Variants in FAM186B observed in about 807,000 individuals in gnomAD.
The protein encoded by FAM186B is family with sequence similarity 186 member B, also known as protein FAM186B.
Under a neutral mutation model 83.4 loss-of-function variants are expected in FAM186B, and 68 were observed. The observed-to-expected ratio is 0.81, with a 90% CI of 0.67 to 1.00. FAM186B has a LOEUF of 1.00. Ranked by LOEUF, FAM186B falls within the 50% of genes least tolerant of loss-of-function variation. FAM186B has a pLI of 0.00. For synonymous variants in FAM186B, 389 were observed against 422.0 expected, an observed-to-expected ratio of 0.92 and a Z score of 0.96; for missense variants, 983 against 1,099.2, an observed-to-expected ratio of 0.89 and a Z score of 1.49.
At chr12:49,608,595 A>G (rs1474740223), upstream of FAM186B, among the ~76,000 whole-genome samples, 6 of 151,876 alleles carry the variant, frequency 4.0e-5, no homozygotes, top group East Asian at 1.2e-3. Context: ...GTGCATAAAG[A>G]TCAACTCTGT....
chr12:49,605,162 C>A, intron 1 of FAM186B: 1 of 1,374,904 alleles, frequency 7.3e-7, no homozygotes, highest in Non-Finnish European at 9.4e-7. Flanking sequence ...CCTTCCCGGG[C>A]CCCAGCCCTG....
upstream of FAM186B, among the ~76,000 whole-genome samples, chr12:49,606,476 T>G (rs567857234): frequency 7.0e-6 from 1 of 143,576 alleles, no homozygotes; most frequent in Admixed American, 7.0e-5. Context: ...GCCTAGGTGA[T>G]AGATACCCTG....
At chr12:49,606,130 A>T (rs534507497), upstream of FAM186B, among the ~76,000 whole-genome samples, 25 of 152,316 alleles carry the variant, frequency 1.6e-4, no homozygotes, top group African/African-American at 5.5e-4. Flanking sequence ...TACAAATAAG[A>T]AAAAGCAATT....
At chr12:49,615,434 A>T in the FAM186B span, among the ~76,000 whole-genome samples, 1 of 152,246 alleles carries the variant, frequency 6.6e-6, no homozygotes, top group African/African-American at 2.4e-5. Flanking sequence ...ATAGATAAAG[A>T]GCTACTACAA....
downstream of FAM186B, among the ~76,000 whole-genome samples, chr12:49,585,866 G>A (rs371388211): frequency 6.8e-4 from 103 of 152,344 alleles, 1 homozygote; most frequent in African/African-American, 2.4e-3. Flanking sequence ...AGGAGGGCAC[G>A]CCCAAAGGAG....
At chr12:49,611,642 C>CCT in the FAM186B span, among the ~76,000 whole-genome samples, 1 of 130,490 alleles carries the variant, frequency 7.7e-6, no homozygotes. Flanking sequence ...GGGTGGATCA[C>CCT]GAGGTCAGGG....
chr12:49,607,239 C>T (rs1940041571), upstream of FAM186B, among the ~76,000 whole-genome samples: 1 of 151,928 alleles, frequency 6.6e-6, no homozygotes, highest in Admixed American at 6.6e-5. Context: ...AGAAGAAAAT[C>T]AATGCAACTA....
intron 5 of FAM186B, among the ~76,000 whole-genome samples, chr12:49,592,105 T>C (rs1427354973): frequency 6.6e-6 from 1 of 152,020 alleles, no homozygotes; most frequent in Non-Finnish European, 1.5e-5. Context: ...AGGGAAGAAA[T>C]AGATGTATAC....
chr12:49,613,388 G>T, the FAM186B span, among the ~76,000 whole-genome samples: 1 of 151,646 alleles, frequency 6.6e-6, no homozygotes, highest in Non-Finnish European at 1.5e-5. Flanking sequence ...TTAGCCGGGT[G>T]TGGTGGTGGG....
rs746000838 is a variant in FAM186B at position 49,599,529 on chromosome 12, G to A, written c.2111C>T (p.Ala704Val). The A allele has an allele frequency of 2.4e-5, 39 of 1,599,858 alleles. No homozygotes were observed. Among genetic ancestry groups the A allele is most frequent in the East Asian group, 1.3e-4 (6 of 44,812 alleles). Residue 704 changes from alanine to valine, a missense_variant, in exon 4 of 7, where the codon GCG becomes GTG. By Grantham distance (64) the Ala-to-Val change is moderately conservative (BLOSUM62 0). Transcript: ENST00000257894. ...ATGGCACAGGTACTGCAGCCTGAGC[G>A]CGCCCAGCTCCATGGTGGTGGTGGT... ...ELTTTTMELG[A>V]LRLQYLCHKY...
At chr12:49,613,935 G>C in the FAM186B span, among the ~76,000 whole-genome samples, 1 of 151,676 alleles carries the variant, frequency 6.6e-6, no homozygotes, top group Non-Finnish European at 1.5e-5. Flanking sequence ...GATCACCTGA[G>C]GTCAGGAGTT....
intron 5 of FAM186B, among the ~76,000 whole-genome samples, chr12:49,596,016 C>T (rs1460284547): frequency 1.3e-5 from 2 of 152,104 alleles, no homozygotes; most frequent in African/African-American, 4.8e-5. Flanking sequence ...AAGACTAGAG[C>T]AGCGAAATGT....
chr12:49,613,886 C>T, the FAM186B span, among the ~76,000 whole-genome samples: 9 of 151,856 alleles, frequency 5.9e-5, no homozygotes, highest in African/African-American at 2.2e-4. Flanking sequence ...CGGTGGCTCA[C>T]ACCCGTAACC....
chr12:49,616,133 G>A, the FAM186B span, among the ~76,000 whole-genome samples: 20 of 151,936 alleles, frequency 1.3e-4, no homozygotes, highest in South Asian at 1.2e-3. Context: ...GGGTTCAAGC[G>A]ATTCTCCTGC....
chr12:49,614,993 G>C, the FAM186B span, among the ~76,000 whole-genome samples: 2 of 152,176 alleles, frequency 1.3e-5, no homozygotes, highest in East Asian at 3.9e-4. Flanking sequence ...CCAGGCGTGG[G>C]GGCGGGTACC....
At chr12:49,612,538 T>C in the FAM186B span, among the ~76,000 whole-genome samples, 1 of 151,726 alleles carries the variant, frequency 6.6e-6, no homozygotes, top group African/African-American at 2.4e-5. Flanking sequence ...TATGTGTGTT[T>C]TTTTTTTTTA....
chr12:49,621,287 G>T, the FAM186B span, among the ~76,000 whole-genome samples: 1 of 152,206 alleles, frequency 6.6e-6, no homozygotes, highest in Non-Finnish European at 1.5e-5. Flanking sequence ...GGAGGCTGAG[G>T]CAGGAGGATA....
rs756246564 is a variant in FAM186B, at chr12:49,600,683, C to A, written c.957G>T (p.Lys319Asn). 10 of 1,614,180 alleles carry A rather than the reference C, an allele frequency of 6.2e-6. No individual in the cohort carries two copies. Among genetic ancestry groups the A allele is most frequent in the Non-Finnish European group, 7.6e-6 (9 of 1,180,030 alleles). The change falls in exon 4 of 7, where the codon AAG becomes AAT. Residue 319 changes from lysine to asparagine, a missense_variant. Lys to Asn is a moderately conservative substitution (Grantham distance 94, BLOSUM62 0). Coordinates refer to ENST00000257894, the MANE Select transcript of FAM186B (RefSeq NM_032130.3). This position sits in a 1 kb window ranked among gnomAD's most constrained non-coding sequence, Gnocchi z 4.3. ...LMKQALEFQLKKAQNATGQAE... is the reference protein window; with the variant it reads ...LMKQALEFQLNKAQNATGQAE... The stretch of plus-strand genomic sequence containing the variant: ...CCTGACCTGTAGCATTCTGAGCCTT[C>A]TTCAGCTGGAACTCCAAGGCCTGCT...
chr12:49,612,827 A>C, the FAM186B span, among the ~76,000 whole-genome samples: 1 of 152,176 alleles, frequency 6.6e-6, no homozygotes, highest in Non-Finnish European at 1.5e-5. Flanking sequence ...ACAGATCAAC[A>C]AGGCAAAATA....
Sources: gnomAD v4.1 joint callset for allele counts (sites outside exome capture counted in the v4.1 genomes callset) on GRCh38, gnomAD v4.1.1 for gene constraint, Gnocchi (gnomAD v3.1) non-coding constraint, MANE v1.5 for transcripts, NCBI Gene and HGNC (gene_info 2026-07-23, HGNC 2026-07-21) for gene names.